The following PPP6R3 variants were observed in gnomAD, a reference collection of about 807,000 sequenced individuals.
The protein encoded by PPP6R3 is serine/threonine-protein phosphatase 6 regulatory subunit 3.
PPP6R3 carries 38 observed loss-of-function variants against 110.7 expected under a neutral mutation model. The observed-to-expected ratio is 0.34, with a 90% CI of 0.26 to 0.45. The LOEUF (loss-of-function observed/expected upper bound fraction) is 0.45, where lower values mean the gene tolerates loss of function less well. PPP6R3 is among the 20% of genes least tolerant of loss of function. PPP6R3 has a pLI of 1.00. For synonymous variants in PPP6R3, 369 were observed against 373.5 expected (o/e 0.99, Z 0.14); for missense variants, 870 against 1,062.4 (o/e 0.82, Z 2.52).
intron 19 of PPP6R3, among the ~76,000 whole-genome samples, chr11:68,597,092 C>G (rs1313189320): frequency 6.6e-6 from 1 of 152,182 alleles, no homozygotes; most frequent in African/African-American, 2.4e-5. Flanking sequence ...GTCAACATGC[C>G]TTTGTCAAGT....
intron 1 of PPP6R3, among the ~76,000 whole-genome samples, chr11:68,501,085 T>G (rs1411829192): frequency 1.3e-5 from 2 of 152,240 alleles, no homozygotes; most frequent in Non-Finnish European, 2.9e-5. Flanking sequence ...TTTTTTCATG[T>G]TTATTGTCTA....
At chr11:68,609,573 T>C (rs1178726681) in intron 22 of PPP6R3, 2 of 1,550,450 alleles carry the variant, frequency 1.3e-6, no homozygotes, top group East Asian at 4.9e-5. Flanking sequence ...CTGAAACTCT[T>C]GTACATTTCT....
chr11:68,546,071 G>T (rs908484345), intron 4 of PPP6R3, among the ~76,000 whole-genome samples: 2 of 152,194 alleles, frequency 1.3e-5, no homozygotes, highest in African/African-American at 4.8e-5. Context: ...CTATGCCAAG[G>T]CAAAGTGGAT....
At chr11:68,542,079 G>A (rs1398866095) in intron 3 of PPP6R3, among the ~76,000 whole-genome samples, 1 of 151,106 alleles carries the variant, frequency 6.6e-6, no homozygotes, top group Non-Finnish European at 1.5e-5. Context: ...CTGTGAGAAC[G>A]TTGCAGCACA....
chr11:68,542,389 G>GTTTTTTTTGTTTTTT (rs2099321878), intron 3 of PPP6R3, among the ~76,000 whole-genome samples: 1 of 40,188 alleles, frequency 2.5e-5, no homozygotes. Flanking sequence ...AGAAGCTGCT[G>GTTTTTTTTGTTTTTT]TTTTTTTTTT....
chr11:68,608,057 A>G (rs1397644793), intron 22 of PPP6R3, among the ~76,000 whole-genome samples: 2 of 151,912 alleles, frequency 1.3e-5, no homozygotes, highest in Admixed American at 6.6e-5. Flanking sequence ...AAAAGCCTTC[A>G]AAAACAGAAA....
chr11:68,579,490 T>G (rs2099544752), intron 14 of PPP6R3, among the ~76,000 whole-genome samples: 1 of 152,244 alleles, frequency 6.6e-6, no homozygotes, highest in Non-Finnish European at 1.5e-5. Flanking sequence ...TTGTTGCTTT[T>G]TGCTGTATTT....
intron 13 of PPP6R3, among the ~76,000 whole-genome samples, chr11:68,575,133 CCTAA>C (rs1296639836): frequency 6.6e-6 from 1 of 152,126 alleles, no homozygotes; most frequent in Non-Finnish European, 1.5e-5. Flanking sequence ...ATCTTTATGT[CCTAA>C]CTAAGAAGAA....
chr11:68,496,482 GT>G (rs34138925), intron 1 of PPP6R3, among the ~76,000 whole-genome samples: 3 of 150,120 alleles, frequency 2.0e-5, no homozygotes, highest in Middle Eastern at 3.4e-3. Context: ...GCCTCATTTG[GT>G]TTTTTTTTGG....
intron 15 of PPP6R3, among the ~76,000 whole-genome samples, chr11:68,585,200 A>G (rs1322516234): frequency 6.6e-6 from 1 of 151,378 alleles, no homozygotes; most frequent in Non-Finnish European, 1.5e-5. Context: ...CTGGTGTTTG[A>G]CTCCCCACCT....
In PPP6R3 at chr11:68,519,517, T is replaced by C; in HGVS notation, c.-141T>C. The C allele has an allele frequency of 2.5e-6, 1 of 398,388 alleles. No homozygotes were observed. The highest frequency in any genetic ancestry group is 3.6e-5 in the East Asian group (1 of 28,058). 24.7% of individuals were successfully genotyped at this position (398,388 alleles called of 1,614,324 possible). ...CTTTTACAGGAGAGCTTGTTTCATA[T>C]CCATATCCCACTGTATTCCTGCTAA... On this transcript the variant is annotated 5_prime_UTR_variant, in exon 2 of 24. Coordinates refer to ENST00000393800, the MANE Select transcript of PPP6R3 (RefSeq NM_001164161.2).
intron 19 of PPP6R3, among the ~76,000 whole-genome samples, chr11:68,598,360 G>T (rs981366739): frequency 2.6e-5 from 4 of 152,214 alleles, no homozygotes; most frequent in Admixed American, 2.6e-4. Flanking sequence ...TGGCTGGACT[G>T]CGTGCCGCTG....
In PPP6R3 at chr11:68,613,129, T is replaced by C; in HGVS notation, c.*12T>C. The C allele has an allele frequency of 6.2e-7, 1 of 1,613,162 alleles. No homozygotes were observed. Among genetic ancestry groups the C allele is most frequent in the Non-Finnish European group, 8.5e-7 (1 of 1,179,578 alleles). On this transcript the variant is annotated 3_prime_UTR_variant, in exon 24 of 24. Coordinates refer to ENST00000393800, the MANE Select transcript of PPP6R3 (RefSeq NM_001164161.2). ...ATGGCCCTGTATGACGGGTGACGTC[T>C]GCTGCTGCTGACTGAGGACTGCAGA...
chr11:68,477,467 T>C (rs921449680), intron 1 of PPP6R3, among the ~76,000 whole-genome samples: 4 of 152,034 alleles, frequency 2.6e-5, no homozygotes, highest in Non-Finnish European at 5.9e-5. Flanking sequence ...ATGCCTGTTA[T>C]CCCGACACTT....
intron 2 of PPP6R3, among the ~76,000 whole-genome samples, chr11:68,520,045 G>T (rs919532684): frequency 6.6e-6 from 1 of 152,114 alleles, no homozygotes; most frequent in Non-Finnish European, 1.5e-5. Context: ...TTTGACTTCT[G>T]GTCAGCCACT....
At chr11:68,462,872 T>C (rs1272748576) in intron 1 of PPP6R3, among the ~76,000 whole-genome samples, 1 of 152,182 alleles carries the variant, frequency 6.6e-6, no homozygotes, top group Admixed American at 6.5e-5. Flanking sequence ...TAAGTAGAGA[T>C]GAGTATCTTG....
At chr11:68,486,439 C>T (rs1425701831) in intron 1 of PPP6R3, among the ~76,000 whole-genome samples, 1 of 151,824 alleles carries the variant, frequency 6.6e-6, no homozygotes, top group Non-Finnish European at 1.5e-5. Context: ...CCCCATCTCT[C>T]TTAAAAATAC....
At chr11:68,470,602 C>T (rs912529310) in intron 1 of PPP6R3, among the ~76,000 whole-genome samples, 1 of 152,168 alleles carries the variant, frequency 6.6e-6, no homozygotes, top group South Asian at 2.1e-4. Context: ...AAAGGTCCCA[C>T]TGTCCTGTGC....
At chr11:68,530,622 T>G (rs2153616369) in intron 2 of PPP6R3, among the ~76,000 whole-genome samples, 1 of 152,310 alleles carries the variant, frequency 6.6e-6, no homozygotes, top group South Asian at 2.1e-4. Context: ...TATTAAAAGG[T>G]ATAGACAGAG....
Sources: gnomAD v4.1 joint callset for allele counts (sites outside exome capture counted in the v4.1 genomes callset) on GRCh38, gnomAD v4.1.1 for gene constraint, MANE v1.5 for transcripts, NCBI Gene and HGNC (gene_info 2026-07-23, HGNC 2026-07-21) for gene names.